The following KIAA0825 variants were observed in gnomAD, a reference collection of about 807,000 sequenced individuals.
The protein encoded by KIAA0825 is KIAA0825, also known as uncharacterized protein KIAA0825.
KIAA0825 carries 119 observed loss-of-function variants against 147.6 expected under a neutral mutation model. The ratio of observed to expected loss-of-function variants is 0.81; its 90% CI spans 0.69 to 0.94. The LOEUF is 0.94. Among genes scored for constraint, KIAA0825 ranks in the 40% least tolerant of loss-of-function variants. The pLI, the probability that KIAA0825 is intolerant of heterozygous loss-of-function variation, is 0.00. For synonymous variants in KIAA0825, 470 were observed against 518.1 expected (o/e 0.91, Z 1.26); for missense variants, 1,381 against 1,472.7 (o/e 0.94, Z 1.02).
chr5:94,584,244 G>A (rs1238978781), intron 1 of KIAA0825, among the ~76,000 whole-genome samples: 2 of 152,142 alleles, frequency 1.3e-5, no homozygotes, highest in African/African-American at 4.8e-5. Flanking sequence ...ACTTCTCCGA[G>A]CTAAAGGAGC....
intron 1 of KIAA0825, among the ~76,000 whole-genome samples, chr5:94,612,779 G>C (rs984636339): frequency 6.6e-6 from 1 of 152,160 alleles, no homozygotes; most frequent in Non-Finnish European, 1.5e-5. Context: ...TCACACAACT[G>C]TGACAGAGTT....
intron 1 of KIAA0825, among the ~76,000 whole-genome samples, chr5:94,590,752 T>C (rs527753543): frequency 1.3e-5 from 2 of 152,324 alleles, no homozygotes; most frequent in African/African-American, 4.8e-5. Context: ...ATTGTCAATG[T>C]TGGTAACATT....
At chr5:94,300,609 A>G (rs1445036675) in intron 20 of KIAA0825, among the ~76,000 whole-genome samples, 3 of 152,310 alleles carry the variant, frequency 2.0e-5, no homozygotes, top group Non-Finnish European at 4.4e-5. Context: ...ATTAATGTTT[A>G]TAAAAAAACT....
At chr5:94,447,422 TA>T (rs946778202) in intron 13 of KIAA0825, among the ~76,000 whole-genome samples, 1 of 151,810 alleles carries the variant, frequency 6.6e-6, no homozygotes, top group Admixed American at 6.6e-5. Context: ...CAAAAGTGGG[TA>T]AAAATCTCAG....
At chr5:94,263,013 G>T (rs1776573302) in intron 20 of KIAA0825, among the ~76,000 whole-genome samples, 1 of 152,086 alleles carries the variant, frequency 6.6e-6, no homozygotes, top group Non-Finnish European at 1.5e-5. Flanking sequence ...ACTAGAAGAG[G>T]TTCCCATTGT....
chr5:94,421,091 T>C (rs1374216951), intron 14 of KIAA0825, among the ~76,000 whole-genome samples: 1 of 152,214 alleles, frequency 6.6e-6, no homozygotes, highest in Non-Finnish European at 1.5e-5. Context: ...TCCTCTTTTA[T>C]CTGGGGTTGG....
Position 94,375,318 on chromosome 5 carries a change from A to C in KIAA0825, c.3710+9050T>G, listed in dbSNP as rs1747389966. Among the ~76,000 whole-genome samples, 15 of 152,128 alleles carry C rather than the reference A, an allele frequency of 9.9e-5. 2 individuals carry two copies. In the South Asian group the frequency reaches 3.1e-3, roughly 32 times the overall value. On this transcript the variant is annotated intron_variant, in intron 20 of 20. Coordinates refer to ENST00000682413, the MANE Select transcript of KIAA0825 (RefSeq NM_001145678.3). ...AGCTCTGGGATTACAAGCGTGAGCC[A>C]CCACACCCGGCCAAAAATAGATTTT...
chr5:94,390,727 C>T (rs1358538753), intron 18 of KIAA0825, among the ~76,000 whole-genome samples: 1 of 152,100 alleles, frequency 6.6e-6, no homozygotes, highest in Admixed American at 6.6e-5. Flanking sequence ...ATGCTGTTGT[C>T]AAATTTAATT....
chr5:94,555,759 G>A (rs1293283643), intron 2 of KIAA0825, among the ~76,000 whole-genome samples: 3 of 152,164 alleles, frequency 2.0e-5, no homozygotes, highest in East Asian at 3.9e-4. Flanking sequence ...TTAATGGAAG[G>A]TGAAACCAAG....
intron 1 of KIAA0825, among the ~76,000 whole-genome samples, chr5:94,602,232 T>A (rs1786611906): frequency 6.6e-6 from 1 of 151,974 alleles, no homozygotes; most frequent in Non-Finnish European, 1.5e-5. Flanking sequence ...GCACCTGTAG[T>A]CCCAGCTACT....
chr5:94,471,519 A>G lies in KIAA0825; in HGVS notation c.1668T>C (p.Tyr556=). ...CATATCGCTTGAAATGCTGGAAGAC[A>G]TACACCGCTGTGGAGAGGTATGTGT... The part of the protein sequence containing the change: ...NLHTYLSTAV[Y]VFQHFKRYDN... Residue 556 remains tyrosine, a synonymous_variant, in exon 9 of 21, where the codon TAT becomes TAC. Coordinates refer to ENST00000682413, the MANE Select transcript of KIAA0825 (RefSeq NM_001145678.3). The G allele has an allele frequency of 6.4e-7, 1 of 1,552,120 alleles. No individual in the cohort carries two copies. Among genetic ancestry groups the G allele is most frequent in the South Asian group, 1.2e-5 (1 of 84,058 alleles).
At chr5:94,555,191 A>T (rs1360461125) in intron 2 of KIAA0825, among the ~76,000 whole-genome samples, 1 of 152,134 alleles carries the variant, frequency 6.6e-6, no homozygotes, top group Non-Finnish European at 1.5e-5. Flanking sequence ...CTCATTAATT[A>T]CTGGGAGTTG....
intron 5 of KIAA0825, among the ~76,000 whole-genome samples, chr5:94,514,068 C>T (rs961795250): frequency 6.6e-6 from 1 of 151,916 alleles, no homozygotes; most frequent in Non-Finnish European, 1.5e-5. Context: ...AAAGATAAGT[C>T]AAATAAATAA....
At chr5:94,569,033 A>G (rs1445552905) in intron 2 of KIAA0825, 1 of 169,678 alleles carries the variant, frequency 5.9e-6, no homozygotes, top group Non-Finnish European at 1.3e-5. Flanking sequence ...TAATCGTATA[A>G]AGCCCCCGCA....
At chr5:94,444,387 G>T (rs1468878483) in intron 13 of KIAA0825, among the ~76,000 whole-genome samples, 1 of 152,148 alleles carries the variant, frequency 6.6e-6, no homozygotes, top group East Asian at 1.9e-4. Context: ...GAGGAGCTGG[G>T]CTTGCTACTG....
chr5:94,391,691 T>C lies in KIAA0825; in HGVS notation c.3300A>G (p.Ala1100=). 6.5e-7 allele frequency: 1 copy of C among 1,534,474 alleles called. No homozygotes were observed. The highest frequency in any genetic ancestry group is 8.8e-7 in the Non-Finnish European group (1 of 1,139,002). ...CCGTGCTTTTCTCTATTGTCATAAA[T>C]GCACTAAATACAAAGAAAGCATATA... is the stretch of plus-strand genomic sequence containing the variant. ...LKARKLSTEC[A]FMTIEKSTAL... The change falls in exon 18 of 21, where the codon GCA becomes GCG. Residue 1100 remains alanine, a synonymous_variant. Transcript: ENST00000682413.
intron 20 of KIAA0825, among the ~76,000 whole-genome samples, chr5:94,290,604 G>A (rs1008803574): frequency 6.6e-6 from 1 of 152,152 alleles, no homozygotes; most frequent in Non-Finnish European, 1.5e-5. Flanking sequence ...CCATGTGCAT[G>A]TGTCTTTATA....
At position 94,608,469 on chromosome 5, in the gene KIAA0825, TATATA is replaced by T. The variant is rs1317872544; in HGVS notation, c.-153+10026_-153+10030del. Among the ~76,000 whole-genome samples, 19 of 21,432 alleles carry T rather than the reference TATATA, an allele frequency of 8.9e-4. 1 individual carries two copies. Among genetic ancestry groups the T allele is most frequent in the Non-Finnish European group, 1.1e-3 (14 of 12,392 alleles). The allele number at this position is 21,432 out of a possible 152,430, so 14.1% of individuals were successfully genotyped here. A position where few individuals can be genotyped will look rare whatever the true frequency, so the allele number is the denominator to read the frequency against. On this transcript the variant is annotated intron_variant, in intron 1 of 20. Transcript: ENST00000682413. The stretch of plus-strand genomic sequence containing the variant: ...TGTGTGTGTATATATATATATTATA[TATATA>T]ATATATATATATATATAATTATATA...
chr5:94,187,035 G>T (rs569519337), intron 20 of KIAA0825, among the ~76,000 whole-genome samples: 1 of 152,114 alleles, frequency 6.6e-6, no homozygotes, highest in East Asian at 1.9e-4. Flanking sequence ...TTCTTGAGCC[G>T]AAGAATAAAC....
Sources: gnomAD v4.1 joint callset for allele counts (sites outside exome capture counted in the v4.1 genomes callset) on GRCh38, gnomAD v4.1.1 for gene constraint, MANE v1.5 for transcripts, NCBI Gene and HGNC (gene_info 2026-07-23, HGNC 2026-07-21) for gene names.